Variants in HELQ observed in about 807,000 individuals in gnomAD.
The protein encoded by HELQ is helicase, POLQ like, also known as helicase POLQ-like.
In HELQ, 77 loss-of-function variants were observed where a neutral mutation model predicts 111.6. The ratio of observed to expected loss-of-function variants is 0.69; its 90% CI spans 0.57 to 0.83. The LOEUF (loss-of-function observed/expected upper bound fraction) is 0.83. Ranked by LOEUF, HELQ falls within the 40% of genes least tolerant of loss-of-function variation. The probability of loss-of-function intolerance (pLI) is 0.00; values close to 1 mark genes in which losing one functional copy is unlikely to be tolerated. For missense variants in HELQ, 1,200 were observed against 1,288.5 expected, an observed-to-expected ratio of 0.93 and a Z score of 1.05; for synonymous variants, 438 against 454.7, an observed-to-expected ratio of 0.96 and a Z score of 0.47.
chr4:83,414,554 C>G (rs755293718), intron 17 of HELQ, among the ~76,000 whole-genome samples: 1 of 152,180 alleles, frequency 6.6e-6, no homozygotes, highest in African/African-American at 2.4e-5. Context: ...AAAAGCCACA[C>G]AAACCAGTTT....
intron 15 of HELQ, 70 bp from the exon 16 acceptor site, chr4:83,418,276 G>C (rs1739468069): frequency 3.7e-6 from 3 of 806,252 alleles, no homozygotes; most frequent in Admixed American, 2.3e-5. Flanking sequence ...TTGTGTGATA[G>C]GGGGCTCAGA....
At chr4:83,416,967 G>T (rs1299983260) in intron 16 of HELQ, 102 bp from the exon 17 acceptor site, 3 of 988,612 alleles carry the variant, frequency 3.0e-6, no homozygotes, top group Non-Finnish European at 4.4e-6. Flanking sequence ...TAAGAGACTG[G>T]GATAAAATAA....
chr4:83,425,532 C>T (rs752760081), intron 14 of HELQ, among the ~76,000 whole-genome samples: 7 of 152,144 alleles, frequency 4.6e-5, no homozygotes, highest in Admixed American at 1.3e-4. Flanking sequence ...ATCACACCAA[C>T]GAGTATTAGC....
chr4:83,437,222 C>T (rs776657678), intron 8 of HELQ, 125 bp from the exon 9 acceptor site: 11 of 891,960 alleles, frequency 1.2e-5, no homozygotes, highest in East Asian at 5.0e-5. Context: ...GAGTTAAGTA[C>T]ATTAAATGTT....
At chr4:83,420,552 A>T (rs1739622329) in intron 15 of HELQ, among the ~76,000 whole-genome samples, 1 of 150,848 alleles carries the variant, frequency 6.6e-6, no homozygotes, top group Non-Finnish European at 1.5e-5. Context: ...TGCGAAGCCC[A>T]GGCAGGTGGA....
In HELQ at chr4:83,448,807, T is replaced by G. The variant is rs765257270; in HGVS notation, c.1167A>C (p.Pro389=). 1 of 1,613,594 alleles carries G rather than the reference T, an allele frequency of 6.2e-7. No homozygotes were observed. Among genetic ancestry groups the G allele is most frequent in the South Asian group, 1.1e-5 (1 of 90,844 alleles). Residue 389 remains proline, a synonymous_variant, in exon 3 of 18, where the codon CCA becomes CCC. Coordinates refer to ENST00000295488, the MANE Select transcript of HELQ (RefSeq NM_133636.5). ...CCTTTTCTTGGACAATTGCCACATA[T>G]GGAAGAATCATTAAAACATCTTTCC... ...CCRKDVLMIL[P]YVAIVQEKIS...
intron 12 of HELQ, among the ~76,000 whole-genome samples, chr4:83,427,986 C>T (rs1719935729): frequency 2.0e-5 from 3 of 152,024 alleles, no homozygotes; most frequent in Non-Finnish European, 2.9e-5. Context: ...GATGTCCATG[C>T]GCCTTGTTTA....
Position 83,453,737 on chromosome 4 carries a change from T to G in HELQ, c.506A>C (p.Gln169Pro). The change falls in exon 2 of 18, where the codon CAA (glutamine) becomes CCA (proline). Residue 169 changes from glutamine (Q) to proline (P), a missense_variant. Around this residue, in one of 3 missense-constraint regions of HELQ, gnomAD observed 610 missense variants for 607.1 expected, o/e 1.00. Coordinates refer to ENST00000295488, the MANE Select transcript of HELQ (RefSeq NM_133636.5). ...ITTIGNLTEL[Q>P]TDKHTENQSG... ...CTGGTTCTCTGTGTGCTTATCAGTT[T>G]GTAATTCAGTAAGGTTGCCTATGGT... 3 of 1,614,224 alleles carry G rather than the reference T, an allele frequency of 1.9e-6. No individual in the cohort carries two copies. Among genetic ancestry groups the G allele is most frequent in the Non-Finnish European group, 2.5e-6 (3 of 1,180,036 alleles).
intron 2 of HELQ, among the ~76,000 whole-genome samples, chr4:83,452,446 G>A (rs1478089754): frequency 1.3e-5 from 2 of 152,218 alleles, no homozygotes; most frequent in Non-Finnish European, 2.9e-5. Context: ...GGTGGTGGCA[G>A]GGATGCACCC....
intron 17 of HELQ, among the ~76,000 whole-genome samples, chr4:83,409,553 CAAAA>C (rs34988490): frequency 7.0e-6 from 1 of 143,570 alleles, no homozygotes; most frequent in African/African-American, 2.5e-5. Flanking sequence ...TACTCTGTCT[CAAAA>C]AAAAAAAGAG....
chr4:83,453,522 C>G lies in HELQ; in HGVS notation c.721G>C (p.Glu241Gln). ...VNEELPHNCI[E>Q]QPQQNDESSS... The stretch of plus-strand genomic sequence containing the variant: ...GACTCATCATTTTGCTGGGGTTGCT[C>G]TATGCAATTATGGGGCAGTTCCTCA... The change falls in exon 2 of 18, where the codon GAG becomes CAG. Residue 241 changes from glutamate (E) to glutamine (Q), a missense_variant. Physicochemically the swap from Glu to Gln is conservative, Grantham distance 29. This residue lies in a region of HELQ where 610 missense variants were observed against 607.1 expected (regional missense o/e 1.00). Coordinates refer to ENST00000295488, the MANE Select transcript of HELQ (RefSeq NM_133636.5). The G allele has an allele frequency of 1.2e-6, 2 of 1,613,814 alleles. No individual in the cohort carries two copies. Among genetic ancestry groups the G allele is most frequent in the Non-Finnish European group, 1.7e-6 (2 of 1,179,898 alleles).
intron 14 of HELQ, among the ~76,000 whole-genome samples, chr4:83,425,405 CT>C (rs1272275928): frequency 6.6e-6 from 1 of 151,534 alleles, no homozygotes; most frequent in African/African-American, 2.4e-5. Context: ...ATAACATTCT[CT>C]TAAGGAAATC....
At chr4:83,434,260 A>G (rs1429290556) in intron 9 of HELQ, among the ~76,000 whole-genome samples, 1 of 151,660 alleles carries the variant, frequency 6.6e-6, no homozygotes, top group East Asian at 2.0e-4. Context: ...AATCCCAGCT[A>G]CTTGGGAGGC....
chr4:83,446,742 G>T, intron 4 of HELQ, 93 bp downstream of exon 4: 3 of 688,446 alleles, frequency 4.4e-6, no homozygotes, highest in Non-Finnish European at 7.4e-6. Context: ...TTTTATAGAG[G>T]TACTAAGGTA....
Position 83,450,222 on chromosome 4 carries a change from T to TAAAAAAAAAAAAAAAAAAAAAA in HELQ, c.1013-1283_1013-1262dup, listed in dbSNP as rs71668650. Among the ~76,000 whole-genome samples the TAAAAAAAAAAAAAAAAAAAAAA allele has an allele frequency of 1.3e-4, 6 of 45,608 alleles. 2 individuals carry two copies. The highest frequency in any genetic ancestry group is 2.2e-3 in the East Asian group (2 of 906). 29.9% of individuals were successfully genotyped at this position (45,608 alleles called of 152,430 possible). A position where few individuals can be genotyped will look rare whatever the true frequency, so the allele number is the denominator to read the frequency against. ...TGTATGTTCAATATACAGTTAAGTT[T>TAAAAAAAAAAAAAAAAAAAAAA]AAAAAAAAAAAAAAAAAAAAAAAAA... On this transcript the variant is annotated intron_variant, in intron 2 of 17. Transcript: ENST00000295488.
At position 83,443,540 on chromosome 4, in the gene HELQ, A is replaced by G. The variant is rs1484351476; in HGVS notation, c.1540T>C (p.Tyr514His). Residue 514 changes from tyrosine to histidine, a missense_variant, in exon 6 of 18, where the codon TAT becomes CAT. Physicochemically the swap from Tyr to His is moderately conservative, Grantham distance 83 (BLOSUM62 2). Coordinates refer to ENST00000295488, the MANE Select transcript of HELQ (RefSeq NM_133636.5). The stretch of plus-strand genomic sequence containing the variant: ...ACTGGTCTAAATTGACTGGTATAAT[A>G]TTCTGCTTGAAGAAACTTTTGTAGG... Reference protein sequence around the residue: ...EDLQKFLQAEYYTSQFRPVEL... With the variant: ...EDLQKFLQAEHYTSQFRPVEL... 2 of 1,568,000 alleles carry G rather than the reference A, an allele frequency of 1.3e-6. No individual in the cohort carries two copies. The highest frequency in any genetic ancestry group is 2.2e-5 in the South Asian group (2 of 89,350).
rs898127025 is a variant in HELQ at position 83,453,525 on chromosome 4, T to C, written c.718A>G (p.Ile240Val). 5.0e-6 allele frequency: 8 copies of C among 1,613,922 alleles called. No individual in the cohort carries two copies. Among genetic ancestry groups the C allele is most frequent in the East Asian group, 2.2e-5 (1 of 44,878 alleles). The change falls in exon 2 of 18, where the codon ATA (isoleucine) becomes GTA (valine). Residue 240 changes from isoleucine (I) to valine (V), a missense_variant. This residue lies in a region of HELQ where 610 missense variants were observed against 607.1 expected (regional missense o/e 1.00). Coordinates refer to ENST00000295488, the MANE Select transcript of HELQ (RefSeq NM_133636.5). Reference sequence around the variant, plus strand: ...TCATCATTTTGCTGGGGTTGCTCTATGCAATTATGGGGCAGTTCCTCATTC... The same window carrying C: ...TCATCATTTTGCTGGGGTTGCTCTACGCAATTATGGGGCAGTTCCTCATTC... ...TVNEELPHNC[I>V]EQPQQNDESS...
rs779491491 is a variant in HELQ at position 83,447,048 on chromosome 4, TTAAAA to T, written c.1192-18_1192-14del. Reference sequence around the variant, plus strand: ...ACAAACCTGAAATCTAGAATATTAGTTAAAATAAAGAAAAATTGGCCAGGCATTGT... The same window carrying T: ...ACAAACCTGAAATCTAGAATATTAGTTAAAGAAAAATTGGCCAGGCATTGT... On this transcript the variant is annotated splice_polypyrimidine_tract_variant and intron_variant, in intron 3 of 17. Transcript: ENST00000295488. 1.9e-6 allele frequency: 3 copies of T among 1,587,830 alleles called. No individual in the cohort carries two copies. The highest frequency in any genetic ancestry group is 1.7e-5 in the Admixed American group (1 of 59,056).
At position 83,453,681 on chromosome 4, in the gene HELQ, C is replaced by T. The variant is rs771513213; in HGVS notation, c.562G>A (p.Gly188Arg). Residue 188 changes from glycine to arginine, a missense_variant, in exon 2 of 18, where the codon GGA becomes AGA. Coordinates refer to ENST00000295488, the MANE Select transcript of HELQ (RefSeq NM_133636.5). ...SGYEGVTIEP[G>R]ADLLYDVPSS... ...GGTACATCATACAAAAGATCAGCTC[C>T]AGGTTCAATAGTGACACCTTCATAT... The T allele has an allele frequency of 5.2e-5, 84 of 1,613,964 alleles. No individual in the cohort carries two copies. Among genetic ancestry groups the T allele is most frequent in the Middle Eastern group, 1.6e-4 (1 of 6,084 alleles).
Sources: gnomAD v4.1 joint callset for allele counts (sites outside exome capture counted in the v4.1 genomes callset) on GRCh38, gnomAD v4.1.1 for gene constraint, gnomAD v4.1.1 regional missense constraint, MANE v1.5 for transcripts, NCBI Gene and HGNC (gene_info 2026-07-23, HGNC 2026-07-21) for gene names.